The following JMJD1C variants were observed in gnomAD, a reference collection of about 807,000 sequenced individuals.
JMJD1C encodes the protein jumonji domain containing 1C.
A neutral mutation model predicts 245.3 loss-of-function variants in JMJD1C; 31 were observed. The ratio of observed to expected loss-of-function variants is 0.13; its 90% CI spans 0.09 to 0.17. The LOEUF is 0.17. JMJD1C is among the 10% of genes least tolerant of loss of function. JMJD1C has a pLI of 1.00. For missense variants in JMJD1C, 2,691 were observed against 3,000.2 expected (o/e 0.90, Z 2.41); for synonymous variants, 1,057 against 1,017.4 (o/e 1.04, Z -0.74).
intron 15 of JMJD1C, 95 bp downstream of exon 15, chr10:63,193,250 T>C: frequency 1.6e-5 from 23 of 1,465,516 alleles, no homozygotes; most frequent in Non-Finnish European, 2.2e-5. Context: ...GCAAACCTAA[T>C]TCATACATAA....
At position 63,197,591 on chromosome 10, in the gene JMJD1C, A is replaced by T. The variant is rs528658490; in HGVS notation, c.5492-28T>A. On this transcript the variant is annotated intron_variant, in intron 12 of 25. Transcript: ENST00000399262. ...GAAATACAGAAAAAACAAAAATTTT[A>T]AAGGCAAACATGCTCTTTTCCAAGG... 7.4e-6 allele frequency: 11 copies of T among 1,477,820 alleles called. No homozygotes were observed. The African/African-American group carries it at 1.5e-4, about 20-fold the overall frequency. 91.5% of individuals were successfully genotyped at this position (1,477,820 alleles called of 1,614,324 possible).
At chr10:63,248,289 T>C (rs1589277867) in intron 3 of JMJD1C, among the ~76,000 whole-genome samples, 1 of 151,326 alleles carries the variant, frequency 6.6e-6, no homozygotes, top group African/African-American at 2.4e-5. Context: ...GGTGGTCAAG[T>C]TGCTAACACA....
Position 63,393,904 on chromosome 10 carries a change from C to T in JMJD1C, c.169-13422G>A, listed in dbSNP as rs1488618530. ...ATATAAAGCTATCGTAAAGGTGCCA[C>T]GCACAGTGGCTCATGCCTGTAATCC... On this transcript the variant is annotated intron_variant, in intron 1 of 25. Transcript: ENST00000399262. Among the ~76,000 whole-genome samples, 7 of 152,178 alleles carry T rather than the reference C, an allele frequency of 4.6e-5. No homozygotes were observed. The East Asian group carries it at 5.8e-4, about 13-fold the overall frequency.
intron 8 of JMJD1C, among the ~76,000 whole-genome samples, chr10:63,211,823 C>CAA (rs59121081): frequency 4.8e-3 from 371 of 77,012 alleles, no homozygotes; most frequent in African/African-American, 7.9e-3. Flanking sequence ...GACTCTGTCT[C>CAA]AAAAAAAAAA....
intron 8 of JMJD1C, among the ~76,000 whole-genome samples, chr10:63,210,181 G>A (rs1416494380): frequency 2.0e-5 from 3 of 151,754 alleles, no homozygotes; most frequent in South Asian, 2.1e-4. Flanking sequence ...TGTCTCAAAC[G>A]GCCTCAGTTC....
At chr10:63,342,606 T>C (rs1564810495) in intron 2 of JMJD1C, among the ~76,000 whole-genome samples, 1 of 152,378 alleles carries the variant, frequency 6.6e-6, no homozygotes, top group South Asian at 2.1e-4. Context: ...TTGCTGTTAA[T>C]ATCTGATACA....
At chr10:63,267,781 CT>C (rs1855775441) in intron 2 of JMJD1C, among the ~76,000 whole-genome samples, 1 of 152,034 alleles carries the variant, frequency 6.6e-6, no homozygotes, top group Non-Finnish European at 1.5e-5. Flanking sequence ...GTTAAACATA[CT>C]TTTTAAAAAT....
At chr10:63,376,775 A>C (rs992571701) in intron 2 of JMJD1C, among the ~76,000 whole-genome samples, 2 of 152,214 alleles carry the variant, frequency 1.3e-5, no homozygotes, top group African/African-American at 4.8e-5. Flanking sequence ...AATGAAAGTA[A>C]ATGTTGGTGA....
chr10:63,395,974 G>A (rs28396289), intron 1 of JMJD1C, among the ~76,000 whole-genome samples: 22,466 of 152,024 alleles, frequency 0.15, 3,902 homozygotes, highest in African/African-American at 0.42. Flanking sequence ...TAATTTTATA[G>A]GGGAGTGATT....
chr10:63,425,806 C>T (rs1950406438), intron 1 of JMJD1C, among the ~76,000 whole-genome samples: 1 of 152,004 alleles, frequency 6.6e-6, no homozygotes, highest in South Asian at 2.1e-4. Flanking sequence ...AAAGTTGAAA[C>T]AATAATTAAA....
chr10:63,326,411 A>G lies in JMJD1C; in HGVS notation c.333+53907T>C, dbSNP rs1941515367. On this transcript the variant is annotated intron_variant, in intron 2 of 25. Transcript: ENST00000399262. ...AAATAAATAAATAAATAAATAAATA[A>G]ATAAATAAATAAATAAAGATAATAA... Among the ~76,000 whole-genome samples, 3 of 151,250 alleles carry G rather than the reference A, an allele frequency of 2.0e-5. No individual in the cohort carries two copies. The South Asian group carries it at 6.2e-4, about 31-fold the overall frequency.
chr10:63,210,160 G>A (rs1032248738), intron 8 of JMJD1C, among the ~76,000 whole-genome samples: 7 of 151,924 alleles, frequency 4.6e-5, no homozygotes, highest in Non-Finnish European at 7.4e-5. Flanking sequence ...TACACATAAG[G>A]ATCAAATATG....
At chr10:63,297,345 C>T (rs552646416) in intron 2 of JMJD1C, among the ~76,000 whole-genome samples, 2 of 152,256 alleles carry the variant, frequency 1.3e-5, no homozygotes, top group Admixed American at 6.5e-5. Context: ...ATAAAAACCC[C>T]GGGCTCAGCC....
intron 16 of JMJD1C, among the ~76,000 whole-genome samples, chr10:63,191,996 A>C (rs1361539284): frequency 3.3e-5 from 5 of 150,178 alleles, no homozygotes; most frequent in Non-Finnish European, 5.9e-5. Flanking sequence ...AAAAAAAAAA[A>C]AAAAAAAAAA....
intron 2 of JMJD1C, among the ~76,000 whole-genome samples, chr10:63,299,845 T>C (rs897324565): frequency 1.3e-5 from 2 of 151,818 alleles, no homozygotes; most frequent in Admixed American, 1.3e-4. Context: ...CTGCAAGAAA[T>C]AGTTAAAGCC....
intron 1 of JMJD1C, among the ~76,000 whole-genome samples, chr10:63,501,213 A>G (rs1046483443): frequency 7.9e-5 from 12 of 152,212 alleles, no homozygotes; most frequent in Admixed American, 2.6e-4. Context: ...ATTCAATGCT[A>G]TGAATAGAGT....
At chr10:63,253,136 C>G (rs1200127174) in intron 3 of JMJD1C, among the ~76,000 whole-genome samples, 1 of 152,058 alleles carries the variant, frequency 6.6e-6, no homozygotes, top group African/African-American at 2.4e-5. Context: ...ACAAATTATT[C>G]AGCGGTAGAA....
At chr10:63,520,764 G>A (rs996137320) in intron 1 of JMJD1C, among the ~76,000 whole-genome samples, 1 of 152,168 alleles carries the variant, frequency 6.6e-6, no homozygotes, top group Admixed American at 6.5e-5. Flanking sequence ...TGCCCTAAGA[G>A]GCCCAGAACA....
At chr10:63,507,881 C>T (rs184387443) in intron 1 of JMJD1C, among the ~76,000 whole-genome samples, 102 of 152,132 alleles carry the variant, frequency 6.7e-4, no homozygotes, top group Non-Finnish European at 1.3e-3. Context: ...TTTGGTGAGG[C>T]GTCTGTTAAG....
Sources: gnomAD v4.1 joint callset for allele counts (sites outside exome capture counted in the v4.1 genomes callset) on GRCh38, gnomAD v4.1.1 for gene constraint, MANE v1.5 for transcripts, NCBI Gene and HGNC (gene_info 2026-07-23, HGNC 2026-07-21) for gene names.